The following ULK4 variants were observed in gnomAD, a reference collection of about 807,000 sequenced individuals.
ULK4 encodes unc-51 like kinase 4.
In ULK4, 133 loss-of-function variants were observed where a neutral mutation model predicts 160.6. The ratio of observed to expected loss-of-function variants is 0.83; its 90% CI spans 0.72 to 0.96. The LOEUF (loss-of-function observed/expected upper bound fraction) is 0.96, where lower values mean the gene tolerates loss of function less well. Among genes scored for constraint, ULK4 ranks in the 40% least tolerant of loss-of-function variants. ULK4 has a pLI of 0.00. For synonymous variants in ULK4, 534 were observed against 539.8 expected (o/e 0.99, Z 0.15); for missense variants, 1,580 against 1,499.5 (o/e 1.05, Z -0.89).
chr3:41,304,615 G>A (rs979003740), intron 35 of ULK4, among the ~76,000 whole-genome samples: 3 of 152,172 alleles, frequency 2.0e-5, no homozygotes, highest in African/African-American at 2.4e-5. Flanking sequence ...TTGAAGCTAA[G>A]CTGCCAGGAG....
chr3:41,435,825 T>C (rs1208290282), intron 34 of ULK4, among the ~76,000 whole-genome samples: 5 of 152,154 alleles, frequency 3.3e-5, no homozygotes, highest in Non-Finnish European at 7.4e-5. Flanking sequence ...CAGGTGCCTG[T>C]AATCCCAACT....
At chr3:41,597,849 T>C (rs2031796947) in intron 31 of ULK4, among the ~76,000 whole-genome samples, 1 of 152,234 alleles carries the variant, frequency 6.6e-6, no homozygotes, top group Non-Finnish European at 1.5e-5. Flanking sequence ...CGAAGTCTAC[T>C]TCAATTTGCA....
chr3:41,356,964 G>A lies in ULK4; in HGVS notation c.3678+41115C>T, dbSNP rs552589033. On this transcript the variant is annotated intron_variant, in intron 35 of 36. Coordinates refer to ENST00000301831, the MANE Select transcript of ULK4 (RefSeq NM_017886.4). The stretch of plus-strand genomic sequence containing the variant: ...AGAGAGGCTCAGGTCCATGCTCTGA[G>A]GAAGGCAAAAGGTATGATAGTGAGT... 5.9e-5 allele frequency among the ~76,000 whole-genome samples: 9 copies of A among 152,332 alleles called. 1 individual carries two copies. In the South Asian group the frequency reaches 1.9e-3, roughly 32 times the overall value.
intron 34 of ULK4, among the ~76,000 whole-genome samples, chr3:41,410,289 C>T (rs1482422016): frequency 1.3e-5 from 2 of 152,124 alleles, no homozygotes; most frequent in African/African-American, 4.8e-5. Flanking sequence ...TGTCCATCAA[C>T]TGATGAATGG....
At chr3:41,458,193 G>T (rs1245876336) in intron 33 of ULK4, among the ~76,000 whole-genome samples, 1 of 152,072 alleles carries the variant, frequency 6.6e-6, no homozygotes, top group Non-Finnish European at 1.5e-5. Flanking sequence ...TTTCAAAGAA[G>T]AACTTTAGGT....
intron 35 of ULK4, among the ~76,000 whole-genome samples, chr3:41,337,760 T>A (rs1229079720): frequency 6.6e-6 from 1 of 151,978 alleles, no homozygotes; most frequent in Non-Finnish European, 1.5e-5. Context: ...AGACAGAAAA[T>A]CCAAATTTGA....
chr3:41,875,503 G>T (rs1250485110), intron 17 of ULK4, among the ~76,000 whole-genome samples: 1 of 152,194 alleles, frequency 6.6e-6, no homozygotes, highest in Non-Finnish European at 1.5e-5. Context: ...ATGGTGGCAT[G>T]CACCTCTAGT....
At chr3:41,445,962 C>A (rs900203592) in intron 34 of ULK4, among the ~76,000 whole-genome samples, 1 of 151,562 alleles carries the variant, frequency 6.6e-6, no homozygotes, top group African/African-American at 2.4e-5. Flanking sequence ...AGAAAATTTT[C>A]GCAACCTACT....
At chr3:41,474,074 G>A (rs1470853846) in intron 32 of ULK4, among the ~76,000 whole-genome samples, 9 of 152,056 alleles carry the variant, frequency 5.9e-5, no homozygotes, top group South Asian at 2.1e-4. Context: ...CAAAAAGAAC[G>A]AAGCTAGAGA....
chr3:41,675,006 C>T (rs2035661474), intron 29 of ULK4, among the ~76,000 whole-genome samples: 1 of 152,086 alleles, frequency 6.6e-6, no homozygotes. Flanking sequence ...CTTTGGGAGG[C>T]CAAGGCAGGC....
intron 31 of ULK4, among the ~76,000 whole-genome samples, chr3:41,610,033 T>G (rs2032593121): frequency 6.6e-6 from 1 of 151,252 alleles, no homozygotes; most frequent in African/African-American, 2.4e-5. Flanking sequence ...TTTTTTTTTT[T>G]GGAAACAGAG....
At chr3:41,414,624 CT>C (rs2082484562) in intron 34 of ULK4, among the ~76,000 whole-genome samples, 1 of 152,156 alleles carries the variant, frequency 6.6e-6, no homozygotes, top group South Asian at 2.1e-4. Flanking sequence ...CCAAAAAGCA[CT>C]TGAAGAATAG....
chr3:41,663,368 T>G (rs377765086), intron 30 of ULK4, among the ~76,000 whole-genome samples: 1 of 152,222 alleles, frequency 6.6e-6, no homozygotes, highest in Non-Finnish European at 1.5e-5. Context: ...AAAGAAGTTA[T>G]CATTTTAAAG....
intron 33 of ULK4, among the ~76,000 whole-genome samples, chr3:41,462,825 G>T (rs1436486511): frequency 1.3e-5 from 2 of 152,142 alleles, no homozygotes; most frequent in East Asian, 3.9e-4. Flanking sequence ...GCTCTCCTTG[G>T]TCAGGAGTGG....
intron 21 of ULK4, among the ~76,000 whole-genome samples, chr3:41,771,400 G>A (rs193216020): frequency 6.6e-6 from 1 of 151,956 alleles, no homozygotes; most frequent in South Asian, 2.1e-4. Context: ...CATTTATAAA[G>A]AACAAAAGGA....
chr3:41,309,034 T>C (rs571480279), intron 35 of ULK4, among the ~76,000 whole-genome samples: 1 of 152,222 alleles, frequency 6.6e-6, no homozygotes, highest in Non-Finnish European at 1.5e-5. Context: ...CTTTACTGTA[T>C]GAAAGTTATT....
At chr3:41,952,805 G>A (rs1700333605) in intron 2 of ULK4, among the ~76,000 whole-genome samples, 3 of 152,170 alleles carry the variant, frequency 2.0e-5, no homozygotes, top group African/African-American at 7.2e-5. Flanking sequence ...AAACACGGAA[G>A]CAACTTGTGT....
At chr3:41,455,749 T>C (rs1008968441) in intron 33 of ULK4, among the ~76,000 whole-genome samples, 154 bp from the exon 34 acceptor site, 10 of 152,142 alleles carry the variant, frequency 6.6e-5, no homozygotes, top group Non-Finnish European at 1.5e-4. Context: ...CCAGAAGAGA[T>C]ACTATGCTTT....
At chr3:41,618,648 T>C (rs1179161884) in intron 30 of ULK4, among the ~76,000 whole-genome samples, 1 of 152,038 alleles carries the variant, frequency 6.6e-6, no homozygotes, top group Admixed American at 6.6e-5. Context: ...AAGGAAAAAC[T>C]GGTACCATCC....
Sources: gnomAD v4.1 joint callset for allele counts (sites outside exome capture counted in the v4.1 genomes callset) on GRCh38, gnomAD v4.1.1 for gene constraint, MANE v1.5 for transcripts, NCBI Gene and HGNC (gene_info 2026-07-23, HGNC 2026-07-21) for gene names.